Variants in TMED3 observed in about 807,000 individuals in gnomAD.
TMED3 encodes transmembrane emp24 domain-containing protein 3.
TMED3 carries 9 observed loss-of-function variants against 15.0 expected under a neutral mutation model. The observed-to-expected ratio is 0.60, with a 90% confidence interval of 0.36 to 1.04. The LOEUF (loss-of-function observed/expected upper bound fraction) is 1.04, where lower values mean the gene tolerates loss of function less well. TMED3 is among the 50% of genes least tolerant of loss of function. TMED3 has a pLI of 0.01. For synonymous variants in TMED3, 117 were observed against 121.4 expected, an observed-to-expected ratio of 0.96 and a Z score of 0.24; for missense variants, 267 against 278.9, an observed-to-expected ratio of 0.96 and a Z score of 0.30.
At chr15:79,318,669 G>A (rs7179024) in intron 2 of TMED3, among the ~76,000 whole-genome samples, 60,823 of 152,074 alleles carry the variant, frequency 0.4, 12,640 homozygotes, top group Middle Eastern at 0.48. Flanking sequence ...GGTTAAGCCC[G>A]ACTCCACATT....
At chr15:79,339,355 G>GTGGTAT (rs901852327) in intron 2 of TMED3, among the ~76,000 whole-genome samples, 2 of 152,186 alleles carry the variant, frequency 1.3e-5, no homozygotes, top group African/African-American at 4.8e-5. Flanking sequence ...CTTAGTGGTA[G>GTGGTAT]TGGTCCCCCG....
At chr15:79,362,659 C>T (rs556368692) in intron 2 of TMED3, among the ~76,000 whole-genome samples, 1 of 152,162 alleles carries the variant, frequency 6.6e-6, no homozygotes, top group Non-Finnish European at 1.5e-5. Context: ...CAGGTTTTTC[C>T]TGTGCTGTCC....
intron 2 of TMED3, among the ~76,000 whole-genome samples, chr15:79,334,687 A>G (rs1185704137): frequency 2.0e-5 from 3 of 152,222 alleles, no homozygotes; most frequent in Non-Finnish European, 4.4e-5. Context: ...GACCAGGATC[A>G]CGGCAAAGTA....
intron 2 of TMED3, among the ~76,000 whole-genome samples, chr15:79,363,780 G>A (rs576009135): frequency 2.6e-5 from 4 of 152,186 alleles, no homozygotes; most frequent in South Asian, 4.2e-4. Context: ...TTACCAAACC[G>A]AACTTGGGTC....
chr15:79,327,866 T>C (rs1198858004), intron 2 of TMED3, among the ~76,000 whole-genome samples: 1 of 152,222 alleles, frequency 6.6e-6, no homozygotes, highest in Non-Finnish European at 1.5e-5. Flanking sequence ...ACAAGCCTTC[T>C]AAAATAAAAT....
At chr15:79,313,408 A>G (rs947032065) in intron 1 of TMED3, among the ~76,000 whole-genome samples, 3 of 152,142 alleles carry the variant, frequency 2.0e-5, no homozygotes, top group African/African-American at 7.2e-5. Flanking sequence ...ATCTCATCTC[A>G]CCACTTTCTC....
chr15:79,389,382 C>G (rs1316467801), intron 2 of TMED3, among the ~76,000 whole-genome samples: 1 of 152,008 alleles, frequency 6.6e-6, no homozygotes, highest in Admixed American at 6.6e-5. Flanking sequence ...TTTGCTTTGT[C>G]GAAGATCAGT....
At chr15:79,353,307 TTA>T (rs1328730501) in intron 2 of TMED3, among the ~76,000 whole-genome samples, 920 of 33,878 alleles carry the variant, frequency 0.027, 43 homozygotes, top group African/African-American at 0.065. Context: ...ATTATATATA[TTA>T]TATATATAAT....
chr15:79,337,165 G>A (rs929438760), intron 2 of TMED3, among the ~76,000 whole-genome samples: 65 of 152,316 alleles, frequency 4.3e-4, no homozygotes, highest in Admixed American at 5.2e-4. Context: ...TTTTCTCACC[G>A]TTCTGGAGGC....
At chr15:79,379,092 C>A (rs575414738) in intron 2 of TMED3, among the ~76,000 whole-genome samples, 1 of 152,196 alleles carries the variant, frequency 6.6e-6, no homozygotes, top group African/African-American at 2.4e-5. Context: ...AACATATAAC[C>A]AAAAAACTTT....
intron 2 of TMED3, among the ~76,000 whole-genome samples, chr15:79,379,124 A>G (rs1186253894): frequency 2.6e-5 from 4 of 152,232 alleles, no homozygotes; most frequent in Non-Finnish European, 4.4e-5. Flanking sequence ...TTAAGTGACT[A>G]TTAATTATAC....
intron 2 of TMED3, among the ~76,000 whole-genome samples, chr15:79,342,009 A>T (rs962447089): frequency 1.3e-5 from 2 of 152,228 alleles, no homozygotes; most frequent in Admixed American, 6.5e-5. Flanking sequence ...CAAAATAAAA[A>T]TGACACATAA....
chr15:79,348,958 C>T (rs1375628413), intron 2 of TMED3, among the ~76,000 whole-genome samples: 3 of 152,156 alleles, frequency 2.0e-5, no homozygotes, highest in South Asian at 2.1e-4. Context: ...GGCCCTCCCC[C>T]ACCCCCAGTA....
At chr15:79,400,403 C>T (rs1389598373) in intron 2 of TMED3, among the ~76,000 whole-genome samples, 1 of 152,186 alleles carries the variant, frequency 6.6e-6, no homozygotes, top group Non-Finnish European at 1.5e-5. Flanking sequence ...AAAATATAGG[C>T]ACCATAGAGG....
chr15:79,377,439 G>A (rs967839435), intron 2 of TMED3, among the ~76,000 whole-genome samples: 6 of 152,096 alleles, frequency 3.9e-5, no homozygotes, highest in African/African-American at 1.4e-4. Flanking sequence ...TTCAATAAAT[G>A]CACATGTAGT....
chr15:79,363,599 G>A (rs1893173424), intron 2 of TMED3, among the ~76,000 whole-genome samples: 1 of 151,442 alleles, frequency 6.6e-6, no homozygotes, highest in Non-Finnish European at 1.5e-5. Flanking sequence ...ATGAGTATAT[G>A]AAAGTGACTT....
At chr15:79,351,524 A>G (rs1962717) in intron 2 of TMED3, among the ~76,000 whole-genome samples, 22,757 of 152,160 alleles carry the variant, frequency 0.15, 1,671 homozygotes, top group Middle Eastern at 0.2. Context: ...GGGAAAACTG[A>G]TTTTTAAAAA....
At chr15:79,386,796 C>G (rs1427878866) in intron 2 of TMED3, among the ~76,000 whole-genome samples, 1 of 151,238 alleles carries the variant, frequency 6.6e-6, no homozygotes, top group Admixed American at 6.6e-5. Context: ...ATCCACCCGT[C>G]TCAGCCTCCC....
intron 2 of TMED3, among the ~76,000 whole-genome samples, chr15:79,379,657 A>G (rs1893487742): frequency 6.6e-6 from 1 of 152,212 alleles, no homozygotes; most frequent in Non-Finnish European, 1.5e-5. Context: ...TTTGTGTATT[A>G]AACAGTGGTG....
Sources: gnomAD v4.1 joint callset for allele counts (sites outside exome capture counted in the v4.1 genomes callset) on GRCh38, gnomAD v4.1.1 for gene constraint, MANE v1.5 for transcripts, NCBI Gene and HGNC (gene_info 2026-07-23, HGNC 2026-07-21) for gene names.